The following ASXL3 variants were observed in gnomAD, a reference collection of about 807,000 sequenced individuals.
ASXL3 encodes putative Polycomb group protein ASXL3.
ASXL3 carries 34 observed loss-of-function variants against 170.6 expected under a neutral mutation model. The observed-to-expected ratio is 0.20, with a 90% CI of 0.15 to 0.27. The LOEUF (loss-of-function observed/expected upper bound fraction) is 0.27. Ranked by LOEUF, ASXL3 falls within the 10% of genes least tolerant of loss-of-function variation. The pLI is 1.00. For missense variants in ASXL3, 2,592 were observed against 2,695.3 expected (o/e 0.96, Z 0.85); for synonymous variants, 1,002 against 989.1 (o/e 1.01, Z -0.24).
chr18:33,621,335 A>G (rs2065509220), intron 2 of ASXL3, among the ~76,000 whole-genome samples: 1 of 152,206 alleles, frequency 6.6e-6, no homozygotes, highest in Non-Finnish European at 1.5e-5. Flanking sequence ...CCCTGTGTAA[A>G]GAAAGAAGGA....
chr18:33,588,207 T>TTA (rs984306124), intron 1 of ASXL3, among the ~76,000 whole-genome samples: 2 of 152,134 alleles, frequency 1.3e-5, no homozygotes, highest in African/African-American at 2.4e-5. Flanking sequence ...GTTATCTAGC[T>TTA]TATGGGTTGG....
Position 33,709,449 on chromosome 18 carries a change from T to G in ASXL3, c.880-22519T>G, listed in dbSNP as rs372059450. 3.9e-5 allele frequency among the ~76,000 whole-genome samples: 6 copies of G among 152,280 alleles called. No homozygotes were observed. The South Asian group carries it at 1.2e-3, about 32-fold the overall frequency. On this transcript the variant is annotated intron_variant, in intron 8 of 11. Transcript: ENST00000269197. ...AGTATTCCAGTGTTTGAATTTACAA[T>G]GAGAATGAACAAACGACATCTACAT...
At chr18:33,734,139 G>GCTTTAGCATTCTTCT (rs2067504876) in intron 9 of ASXL3, among the ~76,000 whole-genome samples, 171 bp from the exon 10 acceptor site, 1 of 53,088 alleles carries the variant, frequency 1.9e-5, no homozygotes, top group African/African-American at 9.9e-5. Context: ...GCATTTTTAT[G>GCTTTAGCATTCTTCT]AACATCTTGA....
At chr18:33,588,507 G>C (rs1487248522) in intron 1 of ASXL3, among the ~76,000 whole-genome samples, 1 of 152,034 alleles carries the variant, frequency 6.6e-6, no homozygotes, top group Non-Finnish European at 1.5e-5. Context: ...TTGGAATATT[G>C]CTGTGGGCAC....
At chr18:33,628,696 T>A (rs8084619) in intron 2 of ASXL3, among the ~76,000 whole-genome samples, 59,939 of 151,970 alleles carry the variant, frequency 0.39, 12,656 homozygotes, top group Non-Finnish European at 0.48. Flanking sequence ...AAGACAAATA[T>A]CAGGTGTTTA....
rs375884504 is a variant in ASXL3 at position 33,746,215 on chromosome 18, T to G, written c.6367T>G (p.Ser2123Ala). 1.7e-5 allele frequency: 28 copies of G among 1,613,838 alleles called. No individual in the cohort carries two copies. In the African/African-American group the frequency reaches 3.5e-4, roughly 20 times the overall value. ...ATTCGCGCTAAAAAGTGCAGATTTC[T>G]CTTCCTATTTGCTTTCTGAGCCACA... ...KAFALKSADF[S>A]SYLLSEPQKP... The change falls in exon 12 of 12, where the codon TCT becomes GCT. Residue 2123 changes from serine (S) to alanine (A), a missense_variant. Coordinates refer to ENST00000269197, the MANE Select transcript of ASXL3 (RefSeq NM_030632.3).
At chr18:33,581,412 G>A (rs938723610) in intron 1 of ASXL3, among the ~76,000 whole-genome samples, 1 of 151,608 alleles carries the variant, frequency 6.6e-6, no homozygotes, top group African/African-American at 2.4e-5. Flanking sequence ...TCAAATTAAC[G>A]TTAAGAATGA....
At position 33,578,983 on chromosome 18, in the gene ASXL3, C is replaced by A. The variant is rs908417740; in HGVS notation, c.54+298C>A. The A allele has an allele frequency of 1.7e-5, 3 of 176,664 alleles. No homozygotes were observed. The East Asian group carries it at 4.8e-4, about 29-fold the overall frequency. 10.9% of individuals were successfully genotyped at this position (176,664 alleles called of 1,614,324 possible). A position where few individuals can be genotyped will look rare whatever the true frequency, so the allele number is the denominator to read the frequency against. ...TGTGCCTTCTCCACGGGTGAATTTC[C>A]GAGCGCTCGGCGCAGCTCGACTTCC... On this transcript the variant is annotated intron_variant, in intron 1 of 11. Transcript: ENST00000269197.
At chr18:33,700,623 C>T (rs1412698839) in intron 8 of ASXL3, among the ~76,000 whole-genome samples, 3 of 152,068 alleles carry the variant, frequency 2.0e-5, no homozygotes, top group African/African-American at 7.2e-5. Flanking sequence ...AGTGAGTTCA[C>T]TGAAAGCAGC....
chr18:33,610,812 G>A (rs1384789456), intron 2 of ASXL3, among the ~76,000 whole-genome samples: 1 of 151,340 alleles, frequency 6.6e-6, no homozygotes, highest in African/African-American at 2.4e-5. Flanking sequence ...ATATTTAATA[G>A]TAGTTATTTT....
Position 33,739,633 on chromosome 18 carries a change from A to G in ASXL3, c.2229A>G (p.Val743=). Residue 743 remains valine, a synonymous_variant, in exon 11 of 12, where the codon GTA becomes GTG. Coordinates refer to ENST00000269197, the MANE Select transcript of ASXL3 (RefSeq NM_030632.3). ...TTCTCACCTCTGAGACCACTTTTGT[A>G]TCCAGTTTGCCACTTCCTTCAGAAA... ...SMLLTSETTF[V]SSLPLPSETS... is the part of the protein sequence containing the mutation. 1 of 1,613,922 alleles carries G rather than the reference A, an allele frequency of 6.2e-7. No homozygotes were observed. Among genetic ancestry groups the G allele is most frequent in the Non-Finnish European group, 8.5e-7 (1 of 1,179,830 alleles).
Position 33,739,061 on chromosome 18 carries a change from G to A in ASXL3, c.1657G>A (p.Val553Ile), listed in dbSNP as rs1326640020. The change falls in exon 11 of 12, where the codon GTC (valine) becomes ATC (isoleucine). Residue 553 changes from valine to isoleucine, a missense_variant. By Grantham distance (29) the Val-to-Ile change is conservative (BLOSUM62 3). Transcript: ENST00000269197. ...LIPSTSSMTH[V>I]SDTEHKESET... is the part of the protein sequence containing the mutation. ...TCCTTCCACTTCATCTATGACTCATGTCAGTGACACAGAACATAAGGAGTC... is the reference window on the plus strand; with the variant it reads ...TCCTTCCACTTCATCTATGACTCATATCAGTGACACAGAACATAAGGAGTC... 1 of 1,613,300 alleles carries A rather than the reference G, an allele frequency of 6.2e-7. No individual in the cohort carries two copies. Among genetic ancestry groups the A allele is most frequent in the African/African-American group, 1.3e-5 (1 of 74,896 alleles).
At chr18:33,710,407 A>G (rs572790877) in intron 8 of ASXL3, among the ~76,000 whole-genome samples, 1 of 152,366 alleles carries the variant, frequency 6.6e-6, no homozygotes, top group African/African-American at 2.4e-5. Context: ...AAACTATGAC[A>G]GCAGAATGTA....
At chr18:33,724,607 A>G (rs974572690) in intron 8 of ASXL3, among the ~76,000 whole-genome samples, 9 of 152,104 alleles carry the variant, frequency 5.9e-5, no homozygotes, top group African/African-American at 2.2e-4. Flanking sequence ...AGAGGATTAT[A>G]AAGTATAAAA....
At chr18:33,619,666 C>G (rs1481737878) in intron 2 of ASXL3, among the ~76,000 whole-genome samples, 1 of 152,042 alleles carries the variant, frequency 6.6e-6, no homozygotes, top group Non-Finnish European at 1.5e-5. Context: ...GAACTAAAGA[C>G]TTCATGAAAC....
intron 2 of ASXL3, among the ~76,000 whole-genome samples, chr18:33,629,638 C>T (rs1425992923): frequency 6.6e-6 from 1 of 151,766 alleles, no homozygotes; most frequent in East Asian, 1.9e-4. Flanking sequence ...TCTCCTTTTT[C>T]GTTATTGGAA....
At position 33,747,928 on chromosome 18, in the gene ASXL3, C is replaced by T. The variant is rs1176923955; in HGVS notation, c.*1333C>T. 1.3e-5 allele frequency: 2 copies of T among 152,186 alleles called. No individual in the cohort carries two copies. The highest frequency in any genetic ancestry group is 2.9e-5 in the Non-Finnish European group (2 of 68,046). The allele number at this position is 152,186 out of a possible 1,614,324, so 9.4% of individuals were successfully genotyped here. ...ACATTCCATATATTTTGGCCACCCT[C>T]ATACCAGAGGACAGCCGTAGTTCAG... On this transcript the variant is annotated 3_prime_UTR_variant, in exon 12 of 12. Transcript: ENST00000269197.
intron 5 of ASXL3, among the ~76,000 whole-genome samples, chr18:33,669,397 T>C (rs1354183699): frequency 6.6e-6 from 1 of 152,180 alleles, no homozygotes; most frequent in Non-Finnish European, 1.5e-5. Context: ...AAAGAAAATA[T>C]GTCTTATGTT....
chr18:33,703,868 T>C (rs1420495853), intron 8 of ASXL3, among the ~76,000 whole-genome samples: 1 of 152,158 alleles, frequency 6.6e-6, no homozygotes, highest in Non-Finnish European at 1.5e-5. Context: ...ATACTCTAAC[T>C]GGGTAATTTT....
Sources: allele counts gnomAD v4.1 joint callset (sites outside exome capture counted in the v4.1 genomes callset), GRCh38; gene constraint gnomAD v4.1.1; transcripts MANE v1.5; gene names NCBI Gene and HGNC (gene_info 2026-07-23, HGNC 2026-07-21).